Variants in TMEM178B observed in about 807,000 individuals in gnomAD.
TMEM178B encodes transmembrane protein 178B.
TMEM178B carries 5 observed loss-of-function variants against 31.0 expected under a neutral mutation model. The observed-to-expected ratio is 0.16, with a 90% CI of 0.08 to 0.34. TMEM178B has a LOEUF of 0.34. Among genes scored for constraint, TMEM178B ranks in the 10% least tolerant of loss-of-function variants. The pLI, the probability that TMEM178B is intolerant of heterozygous loss-of-function variation, is 1.00. For synonymous variants in TMEM178B, 164 were observed against 164.0 expected, an observed-to-expected ratio of 1.00 and a Z score of 0.00; for missense variants, 275 against 400.3, an observed-to-expected ratio of 0.69 and a Z score of 2.67.
intron 2 of TMEM178B, among the ~76,000 whole-genome samples, chr7:141,321,341 A>G (rs1799095023): frequency 1.3e-5 from 2 of 152,230 alleles, no homozygotes; most frequent in African/African-American, 4.8e-5. Flanking sequence ...AGGCATGGGC[A>G]TCGTTTTCCT....
At chr7:141,212,727 G>A (rs1797070233) in intron 2 of TMEM178B, 23 bp downstream of exon 2, 1 of 1,502,494 alleles carries the variant, frequency 6.7e-7, no homozygotes, top group Admixed American at 2.0e-5. Context: ...GAGTCTCAGT[G>A]GCTGTGACTG....
chr7:141,348,670 A>G (rs1399344342), intron 2 of TMEM178B, among the ~76,000 whole-genome samples: 3 of 152,220 alleles, frequency 2.0e-5, no homozygotes, highest in African/African-American at 4.8e-5. Context: ...TGAAACCTTA[A>G]CTAGGTTACA....
rs577863589 is a variant in TMEM178B at position 141,114,909 on chromosome 7, G to T, written c.382+40217G>T. Among the ~76,000 whole-genome samples the T allele has an allele frequency of 3.9e-5, 6 of 152,276 alleles. No homozygotes were observed. The South Asian group carries it at 1.2e-3, about 32-fold the overall frequency. On this transcript the variant is annotated intron_variant, in intron 1 of 3. Coordinates refer to ENST00000565468, the MANE Select transcript of TMEM178B (RefSeq NM_001195278.2). ...GGGTTACTTTAGAATGTCTTGTATG[G>T]GTAAAGGCCAAAGTGGGTGACTCAG...
At chr7:141,291,827 C>A (rs956550544) in intron 2 of TMEM178B, among the ~76,000 whole-genome samples, 7 of 152,058 alleles carry the variant, frequency 4.6e-5, no homozygotes, top group Non-Finnish European at 8.8e-5. Flanking sequence ...CATCATGAGG[C>A]AACCAGAATT....
intron 1 of TMEM178B, among the ~76,000 whole-genome samples, chr7:141,199,454 T>G (rs1199797088): frequency 6.6e-6 from 1 of 152,228 alleles, no homozygotes; most frequent in Non-Finnish European, 1.5e-5. Flanking sequence ...CGGCATAATT[T>G]GGGGAAGATC....
chr7:141,430,855 C>T (rs1027669662), intron 2 of TMEM178B, among the ~76,000 whole-genome samples: 1 of 152,166 alleles, frequency 6.6e-6, no homozygotes, highest in Admixed American at 6.5e-5. Flanking sequence ...CTTCAATTCC[C>T]GTGACCTTGA....
intron 1 of TMEM178B, among the ~76,000 whole-genome samples, chr7:141,113,963 C>T (rs1456453441): frequency 2.0e-5 from 3 of 152,132 alleles, no homozygotes; most frequent in African/African-American, 4.8e-5. Context: ...TAGTGGTTAT[C>T]TATTGTCTTG....
chr7:141,500,233 A>G, the TMEM178B span, among the ~76,000 whole-genome samples: 1 of 152,176 alleles, frequency 6.6e-6, no homozygotes, highest in South Asian at 2.1e-4. Context: ...ACAAGATACG[A>G]GCCCATTGTC....
chr7:141,226,306 A>G (rs529940312), intron 2 of TMEM178B, among the ~76,000 whole-genome samples: 1 of 152,128 alleles, frequency 6.6e-6, no homozygotes, highest in South Asian at 2.1e-4. Context: ...CACCAGCCCC[A>G]AGTAGGTAGC....
intron 1 of TMEM178B, among the ~76,000 whole-genome samples, chr7:141,195,530 C>T (rs753477106): frequency 2.8e-4 from 42 of 152,314 alleles, no homozygotes; most frequent in Non-Finnish European, 5.1e-4. Context: ...ATATCACTAT[C>T]GGCATTTTGG....
At chr7:141,160,456 C>T (rs537279922) in intron 1 of TMEM178B, among the ~76,000 whole-genome samples, 1 of 152,140 alleles carries the variant, frequency 6.6e-6, no homozygotes, top group East Asian at 1.9e-4. Flanking sequence ...CTCCTCCTTG[C>T]CCCTCCTTCC....
chr7:141,109,073 C>T (rs928154678), intron 1 of TMEM178B, among the ~76,000 whole-genome samples: 7 of 152,108 alleles, frequency 4.6e-5, no homozygotes, highest in Non-Finnish European at 1.0e-4. Flanking sequence ...GGAGAGACCG[C>T]CCCCATGATT....
At chr7:141,383,825 G>GAGTAA (rs1450589475) in intron 2 of TMEM178B, among the ~76,000 whole-genome samples, 50 of 152,312 alleles carry the variant, frequency 3.3e-4, no homozygotes, top group African/African-American at 1.1e-3. Context: ...CTAGTTTACA[G>GAGTAA]ACCCATCAAC....
At chr7:141,084,940 A>G (rs1384601367) in intron 1 of TMEM178B, among the ~76,000 whole-genome samples, 2 of 151,860 alleles carry the variant, frequency 1.3e-5, no homozygotes, top group Non-Finnish European at 2.9e-5. Flanking sequence ...GTGCAATGGC[A>G]CGATCTCGGC....
At chr7:141,352,272 G>T (rs1279040977) in intron 2 of TMEM178B, 1 of 152,284 alleles carries the variant, frequency 6.6e-6, no homozygotes, top group Non-Finnish European at 1.5e-5. Context: ...TCATCCAGGA[G>T]AGGCTTAAGG....
chr7:141,482,844 T>C (rs1401637790), downstream of TMEM178B, among the ~76,000 whole-genome samples: 1 of 143,890 alleles, frequency 6.9e-6, no homozygotes, highest in African/African-American at 2.6e-5. Flanking sequence ...TGAGAAAACA[T>C]GGAAGAAGCA....
intron 1 of TMEM178B, among the ~76,000 whole-genome samples, chr7:141,137,955 A>G (rs1373243802): frequency 6.6e-6 from 1 of 152,232 alleles, no homozygotes; most frequent in East Asian, 1.9e-4. Context: ...TCCATTCTAC[A>G]AAATATATCT....
At chr7:141,510,703 A>AAAAAAAG in the TMEM178B span, among the ~76,000 whole-genome samples, 2 of 143,168 alleles carry the variant, frequency 1.4e-5, no homozygotes, top group African/African-American at 5.6e-5. Context: ...AAAAAAAAAA[A>AAAAAAAG]AAAAAAAAAG....
At chr7:141,463,227 C>T (rs115980385) in intron 3 of TMEM178B, among the ~76,000 whole-genome samples, 6,436 of 152,234 alleles carry the variant, frequency 0.042, 363 homozygotes, top group East Asian at 0.22. Context: ...TGGCTGGCTC[C>T]AGCTAGCTGC....
Sources: gnomAD v4.1 joint callset for allele counts (sites outside exome capture counted in the v4.1 genomes callset) on GRCh38, gnomAD v4.1.1 for gene constraint, MANE v1.5 for transcripts, NCBI Gene and HGNC (gene_info 2026-07-23, HGNC 2026-07-21) for gene names.